The following SCYL3 variants were observed in gnomAD, a reference collection of about 807,000 sequenced individuals.
The protein encoded by SCYL3 is SCY1 like pseudokinase 3, also known as protein-associating with the carboxyl-terminal domain of ezrin.
SCYL3 carries 35 observed loss-of-function variants against 73.8 expected under a neutral mutation model. That is an observed-to-expected ratio of 0.47 (90% CI 0.36 to 0.63). SCYL3 has a LOEUF of 0.63. SCYL3 is among the 20% of genes least tolerant of loss of function. The pLI, the probability that SCYL3 is intolerant of heterozygous loss-of-function variation, is 0.00. For missense variants in SCYL3, 712 were observed against 798.9 expected, an observed-to-expected ratio of 0.89 and a Z score of 1.31; for synonymous variants, 277 against 295.2, an observed-to-expected ratio of 0.94 and a Z score of 0.63.
chr1:169,873,629 G>A (rs1158058862), intron 5 of SCYL3, 67 bp downstream of exon 5: 1 of 1,126,428 alleles, frequency 8.9e-7, no homozygotes, highest in Non-Finnish European at 1.3e-6. Flanking sequence ...GCAGAGGAAA[G>A]TTTTTTAAAA....
chr1:169,884,002 G>A (rs1661492742), intron 2 of SCYL3, among the ~76,000 whole-genome samples: 1 of 152,096 alleles, frequency 6.6e-6, no homozygotes, highest in Admixed American at 6.5e-5. Flanking sequence ...TTACAGGTGT[G>A]AGCCACTGTG....
Position 169,853,104 on chromosome 1 carries a change from C to CT in SCYL3, c.*608dup. ...TAAAGTTGAATCTAGTGAAAATAATCTTTATTTGACATTTAGAGAACAGGA... is the reference window on the plus strand; with the variant it reads ...TAAAGTTGAATCTAGTGAAAATAATCTTTTATTTGACATTTAGAGAACAGGA... On this transcript the variant is annotated 3_prime_UTR_variant, in exon 13 of 13. Transcript: ENST00000367771. 2.2e-6 allele frequency: 2 copies of CT among 926,876 alleles called. No homozygotes were observed. Among genetic ancestry groups the CT allele is most frequent in the Non-Finnish European group, 3.3e-6 (2 of 607,930 alleles). 57.4% of individuals were successfully genotyped at this position (926,876 alleles called of 1,614,324 possible). A position where few individuals can be genotyped will look rare whatever the true frequency, so the allele number is the denominator to read the frequency against.
chr1:169,854,913 ACATCTGAGAGTC>A lies in SCYL3; in HGVS notation c.1352_1363del (p.Gly451_Asp454del). The A allele has an allele frequency of 6.2e-7, 1 of 1,613,260 alleles. No homozygotes were observed. The highest frequency in any genetic ancestry group is 1.1e-5 in the South Asian group (1 of 90,914). ...TTCACTGTCCTCCGAAGTATTTTTT[ACATCTGAGAGTC>A]CATTTATGGGAAATTTAATAGGCTG... On this transcript the variant is annotated inframe_deletion, in exon 12 of 13. Transcript: ENST00000367771.
At chr1:169,870,443 G>A in intron 5 of SCYL3, 86 bp from the exon 6 acceptor site, 1 of 821,396 alleles carries the variant, frequency 1.2e-6, no homozygotes, top group Non-Finnish European at 2.0e-6. Flanking sequence ...TCCCATGTTT[G>A]TATTTATTAT....
rs1226370136 is a variant in SCYL3, at chr1:169,859,293, A to C, written c.1141-81T>G. 5.9e-6 allele frequency: 8 copies of C among 1,348,322 alleles called. No individual in the cohort carries two copies. In the South Asian group the frequency reaches 1.0e-4, roughly 17 times the overall value. 83.5% of individuals were successfully genotyped at this position (1,348,322 alleles called of 1,614,324 possible). ...CCCTGTAAATGAGCAATTGGGCTGCAAACAGATTGTGCTTAGATAAACTAC... is the reference window on the plus strand; with the variant it reads ...CCCTGTAAATGAGCAATTGGGCTGCCAACAGATTGTGCTTAGATAAACTAC... On this transcript the variant is annotated intron_variant, in intron 10 of 12. Coordinates refer to ENST00000367771, the MANE Select transcript of SCYL3 (RefSeq NM_020423.7).
At position 169,853,594 on chromosome 1, in the gene SCYL3, C is replaced by T. The variant is rs1476225906; in HGVS notation, c.*119G>A. ...GTTGGCACAGACTGGATAATGAGCT[C>T]CTGGGATGGGAAAAGCAGGCCACTT... is the stretch of plus-strand genomic sequence containing the variant. On this transcript the variant is annotated 3_prime_UTR_variant, in exon 13 of 13. Transcript: ENST00000367771. 1 of 1,028,726 alleles carries T rather than the reference C, an allele frequency of 9.7e-7. No individual in the cohort carries two copies. Among genetic ancestry groups the T allele is most frequent in the African/African-American group, 1.6e-5 (1 of 62,652 alleles). The allele number at this position is 1,028,726 out of a possible 1,614,324, so 63.7% of individuals were successfully genotyped here.
rs1658681485 is a variant in SCYL3, at chr1:169,853,386, C to CATTT, written c.*323_*326dup. The CATTT allele has an allele frequency of 5.9e-6, 2 of 341,010 alleles. No homozygotes were observed. The highest frequency in any genetic ancestry group is 1.1e-4 in the East Asian group (2 of 17,978). The allele number at this position is 341,010 out of a possible 1,614,324, so 21.1% of individuals were successfully genotyped here. A position where few individuals can be genotyped will look rare whatever the true frequency, so the allele number is the denominator to read the frequency against. On this transcript the variant is annotated 3_prime_UTR_variant, in exon 13 of 13. Coordinates refer to ENST00000367771, the MANE Select transcript of SCYL3 (RefSeq NM_020423.7). ...AAATTAAGCTAACCAGCTTGAATTACATTTTCTTTACTTCCAGAATTGTCC... is the reference window on the plus strand; with the variant it reads ...AAATTAAGCTAACCAGCTTGAATTACATTTATTTTCTTTACTTCCAGAATTGTCC...
chr1:169,864,598 A>C, intron 8 of SCYL3, 90 bp from the exon 9 acceptor site: 6 of 1,268,574 alleles, frequency 4.7e-6, no homozygotes, highest in Non-Finnish European at 5.4e-6. Flanking sequence ...CCTCTCTCTC[A>C]CTTCTATCAA....
At position 169,854,388 on chromosome 1, in the gene SCYL3, T is replaced by TTAA. The variant is rs780791337; in HGVS notation, c.1886_1888dup (p.Ile629dup). The TTAA allele has an allele frequency of 6.2e-7, 1 of 1,614,062 alleles. No homozygotes were observed. Among genetic ancestry groups the TTAA allele is most frequent in the South Asian group, 1.1e-5 (1 of 91,078 alleles). Reference sequence around the variant, plus strand: ...TAATATAAGAAAAGCAGCAGAAGGCTTAATTTCTGGGATCATATCAGCAAA... The same window carrying TTAA: ...TAATATAAGAAAAGCAGCAGAAGGCTTAATAATTTCTGGGATCATATCAGCAAA... On this transcript the variant is annotated inframe_insertion, in exon 12 of 13. Transcript: ENST00000367771.
chr1:169,889,015 G>A, intron 1 of SCYL3, 125 bp from the exon 2 acceptor site: 2 of 474,578 alleles, frequency 4.2e-6, no homozygotes, highest in Non-Finnish European at 7.2e-6. Flanking sequence ...ACATTTGACA[G>A]TAAAAATGGT....
intron 3 of SCYL3, among the ~76,000 whole-genome samples, chr1:169,877,387 G>A (rs1660923702): frequency 6.6e-6 from 1 of 152,066 alleles, no homozygotes; most frequent in Non-Finnish European, 1.5e-5. Flanking sequence ...CAAACTCCTG[G>A]GCTCAAGCGA....
At chr1:169,889,125 C>T (rs1661881819) in intron 1 of SCYL3, among the ~76,000 whole-genome samples, 1 of 152,106 alleles carries the variant, frequency 6.6e-6, no homozygotes, top group South Asian at 2.1e-4. Context: ...ACTGTCCCTC[C>T]CCAAACTCCA....
Position 169,850,599 on chromosome 1 carries a change from C to G in SCYL3, c.*3114G>C. 6.9e-6 allele frequency: 2 copies of G among 289,082 alleles called. No individual in the cohort carries two copies. Among genetic ancestry groups the G allele is most frequent in the Non-Finnish European group, 1.3e-5 (2 of 152,384 alleles). The allele number at this position is 289,082 out of a possible 1,614,324, so 17.9% of individuals were successfully genotyped here. On this transcript the variant is annotated 3_prime_UTR_variant, in exon 13 of 13. Transcript: ENST00000367771. Reference sequence around the variant, plus strand: ...GATCATGAGGTCAGGAGTTCAAGACCAGCCTGGCCAACATGGGGAAACCCT... The same window carrying G: ...GATCATGAGGTCAGGAGTTCAAGACGAGCCTGGCCAACATGGGGAAACCCT...
chr1:169,864,638 G>A, intron 8 of SCYL3, 130 bp from the exon 9 acceptor site: 2 of 975,848 alleles, frequency 2.0e-6, no homozygotes, highest in Non-Finnish European at 2.9e-6. Context: ...AGATAGAGAA[G>A]GTGAACAGAT....
Position 169,853,712 on chromosome 1 carries a change from G to A in SCYL3, c.*1C>T. The A allele has an allele frequency of 6.2e-7, 1 of 1,613,152 alleles. No homozygotes were observed. Among genetic ancestry groups the A allele is most frequent in the Non-Finnish European group, 8.5e-7 (1 of 1,179,610 alleles). ...TCCTAAAGTTTAACTCACATCTATT[G>A]TCACCAGTTATTATCTTCCCAGTTC... is the stretch of plus-strand genomic sequence containing the variant. On this transcript the variant is annotated 3_prime_UTR_variant, in exon 13 of 13. Transcript: ENST00000367771.
Position 169,850,286 on chromosome 1 carries a change from G to T in SCYL3, c.*3427C>A. The T allele has an allele frequency of 6.2e-7, 1 of 1,611,996 alleles. No individual in the cohort carries two copies. On this transcript the variant is annotated 3_prime_UTR_variant, in exon 13 of 13. Coordinates refer to ENST00000367771, the MANE Select transcript of SCYL3 (RefSeq NM_020423.7). ...ATAGGGAACAAATCATGAAGAGATA[G>T]TTCCACAGTGTCTCAGTTCTGAAGA...
chr1:169,873,794 G>A (rs750319035), intron 4 of SCYL3, 42 bp from the exon 5 acceptor site: 12 of 1,429,500 alleles, frequency 8.4e-6, no homozygotes, highest in Admixed American at 5.3e-5. Context: ...TCATACATAT[G>A]TTTGGTGAAC....
At chr1:169,875,265 G>A (rs79982342) in intron 4 of SCYL3, among the ~76,000 whole-genome samples, 3,930 of 152,268 alleles carry the variant, frequency 0.026, 137 homozygotes, top group African/African-American at 0.076. Flanking sequence ...CACCATTTCC[G>A]TAGGGATATT....
rs780482174 is a variant in SCYL3 at position 169,862,683 on chromosome 1, A to G, written c.1070T>C (p.Leu357Pro). 1 of 1,614,230 alleles carries G rather than the reference A, an allele frequency of 6.2e-7. No homozygotes were observed. Among genetic ancestry groups the G allele is most frequent in the Non-Finnish European group, 8.5e-7 (1 of 1,180,046 alleles). ...CACGTAGGCCTCGATGTGAGACAGC[A>G]GCACCATCCGCACATGCTCTTCATG... ...EVHEEHVRMV[L>P]LSHIEAYVEH... Residue 357 changes from leucine to proline, a missense_variant, in exon 10 of 13, where the codon CTG becomes CCG. Physicochemically the swap from Leu to Pro is moderately conservative, Grantham distance 98. Transcript: ENST00000367771.
Sources: allele counts gnomAD v4.1 joint callset (sites outside exome capture counted in the v4.1 genomes callset), GRCh38; gene constraint gnomAD v4.1.1; transcripts MANE v1.5; gene names NCBI Gene and HGNC (gene_info 2026-07-23, HGNC 2026-07-21).